PRKD2: variants seen among roughly 807,000 people sequenced by gnomAD.
The protein encoded by PRKD2 is serine/threonine-protein kinase D2.
A neutral mutation model predicts 86.0 loss-of-function variants in PRKD2; 22 were observed. The ratio of observed to expected loss-of-function variants is 0.26; its 90% CI spans 0.18 to 0.37. The LOEUF (loss-of-function observed/expected upper bound fraction) is 0.37, where lower values mean the gene tolerates loss of function less well. PRKD2 is among the 10% of genes least tolerant of loss of function. The pLI, the probability that PRKD2 is intolerant of heterozygous loss-of-function variation, is 1.00. For synonymous variants in PRKD2, 509 were observed against 510.9 expected, an observed-to-expected ratio of 1.00 and a Z score of 0.05; for missense variants, 818 against 1,199.2, an observed-to-expected ratio of 0.68 and a Z score of 4.70.
At chr19:46,697,290 A>G in intron 8 of PRKD2, 56 bp from the exon 9 acceptor site, 1 of 1,366,690 alleles carries the variant, frequency 7.3e-7, no homozygotes, top group Non-Finnish European at 1.0e-6. Context: ...CCCAGTCCCT[A>G]TCCCGTGGAG....
At position 46,674,676 on chromosome 19, in the gene PRKD2, G is replaced by C. The variant is rs1417875543; in HGVS notation, c.2484C>G (p.Ile828Met). The change falls in exon 18 of 18, where the codon ATC (isoleucine) becomes ATG (methionine). Residue 828 changes from isoleucine (I) to methionine (M), a missense_variant. Transcript: ENST00000291281. Reference sequence around the variant, plus strand: ...AGCGCGCGTCGTCACTCTCATGCGTGATGTATCGCTCTCCCATCTTCCCCT... The same window carrying C: ...AGCGCGCGTCGTCACTCTCATGCGTCATGTATCGCTCTCCCATCTTCCCCT... ...ELEGKMGERY[I>M]THESDDARWE... The C allele has an allele frequency of 1.0e-5, 16 of 1,606,180 alleles. No individual in the cohort carries two copies. Among genetic ancestry groups the C allele is most frequent in the African/African-American group, 1.3e-5 (1 of 74,850 alleles).
chr19:46,684,250 C>A (rs1485087381), intron 14 of PRKD2, among the ~76,000 whole-genome samples: 1 of 152,060 alleles, frequency 6.6e-6, no homozygotes, highest in Non-Finnish European at 1.5e-5. Flanking sequence ...CACGACCCAC[C>A]ATGCCTGACC....
intron 14 of PRKD2, among the ~76,000 whole-genome samples, chr19:46,684,500 T>C (rs2053365595): frequency 6.6e-6 from 1 of 152,156 alleles, no homozygotes; most frequent in African/African-American, 2.4e-5. Context: ...TTTTGTATTA[T>C]TAGTAAAGAT....
intron 16 of PRKD2, among the ~76,000 whole-genome samples, chr19:46,675,474 C>T (rs989742410): frequency 2.6e-5 from 4 of 152,104 alleles, no homozygotes; most frequent in Admixed American, 2.0e-4. Flanking sequence ...GACAGAGTCT[C>T]GCTCTGTCGC....
intron 8 of PRKD2, 40 bp from the exon 9 acceptor site, chr19:46,697,274 T>G (rs753991335): frequency 1.4e-6 from 2 of 1,469,316 alleles, no homozygotes; most frequent in African/African-American, 2.8e-5. Flanking sequence ...CCGCCAGACT[T>G]TCCTGCCCAG....
intron 8 of PRKD2, 68 bp from the exon 9 acceptor site, chr19:46,697,302 T>A: frequency 6.5e-6 from 8 of 1,222,394 alleles, no homozygotes; most frequent in East Asian, 2.3e-5. Context: ...CCCGTGGAGC[T>A]GCTTGGGGCT....
In PRKD2 at chr19:46,688,446, T is replaced by TA. The variant is rs57994073; in HGVS notation, c.1971+1090_1971+1091insT. ...TTTATTATTATTATTATTATTATTT[T>TA]TTTTTTTGAGACGAAGTTTCACTCT... is the stretch of plus-strand genomic sequence containing the variant. On this transcript the variant is annotated intron_variant, in intron 14 of 17. Transcript: ENST00000291281. Among the ~76,000 whole-genome samples, 719 of 150,556 alleles carry TA rather than the reference T, an allele frequency of 4.8e-3. 7 individuals carry two copies. The highest frequency in any genetic ancestry group is 0.016 in the African/African-American group (653 of 41,012).
intron 7 of PRKD2, 47 bp from the exon 8 acceptor site, chr19:46,697,897 C>G: frequency 2.0e-6 from 3 of 1,464,438 alleles, no homozygotes. Context: ...AGAAAGTGAC[C>G]ATGCTGCTTG....
rs934203444 is a variant in PRKD2 at position 46,674,370 on chromosome 19, A to G, written c.*153T>C. ...TGAGTCCGTTTTAATTGCTGGGGAA[A>G]CAGGGAGGGGCCTTGGAAATAGCTC... On this transcript the variant is annotated 3_prime_UTR_variant, in exon 18 of 18. Transcript: ENST00000291281. The G allele has an allele frequency of 1.3e-6, 1 of 766,272 alleles. No homozygotes were observed. Among genetic ancestry groups the G allele is most frequent in the African/African-American group, 1.8e-5 (1 of 56,896 alleles). The allele number at this position is 766,272 out of a possible 1,614,324, so 47.5% of individuals were successfully genotyped here. A position where few individuals can be genotyped will look rare whatever the true frequency, so the allele number is the denominator to read the frequency against.
In PRKD2 at chr19:46,693,857, C is replaced by G. The variant is rs367913831; in HGVS notation, c.1576+18G>C. 2.5e-6 allele frequency: 4 copies of G among 1,578,552 alleles called. No individual in the cohort carries two copies. The highest frequency in any genetic ancestry group is 1.1e-5 in the South Asian group (1 of 88,244). ...ATCTAGATCTATTCTCTCAAGGACC[C>G]GAGGTGGGAGGACTTACTGTGGGGC... On this transcript the variant is annotated intron_variant, in intron 10 of 17. Transcript: ENST00000291281. The surrounding 1 kb of genome is among the most constrained non-coding windows in gnomAD (Gnocchi z 4.5).
At chr19:46,698,547 T>C (rs56052541) in intron 7 of PRKD2, among the ~76,000 whole-genome samples, 8,092 of 152,310 alleles carry the variant, frequency 0.053, 282 homozygotes, top group East Asian at 0.16. Context: ...AATTGGTATT[T>C]AGTCCAGCAA....
At chr19:46,708,214 A>G (rs112497085) in intron 3 of PRKD2, among the ~76,000 whole-genome samples, 7 of 152,082 alleles carry the variant, frequency 4.6e-5, no homozygotes, top group African/African-American at 1.7e-4. Context: ...CCTAACCTCC[A>G]ATGCAACTAT....
At chr19:46,694,755 GCGGTGC>G (rs1343879035) in intron 9 of PRKD2, among the ~76,000 whole-genome samples, 8 of 152,066 alleles carry the variant, frequency 5.3e-5, no homozygotes, top group African/African-American at 1.9e-4. Flanking sequence ...CATCACATGG[GCGGTGC>G]CTGGACATAG....
rs200736783 is a variant in PRKD2 at position 46,704,353 on chromosome 19, C to T, written c.705G>A (p.Pro235=). 5.6e-6 allele frequency: 9 copies of T among 1,613,972 alleles called. No homozygotes were observed. In the African/African-American group the frequency reaches 8.0e-5, roughly 14 times the overall value. ...AGGCAGAAGAGGAGGAAGAGGATGA[C>T]GGGGGACGGCGAGGCAGGAGTTCGG... ...STTELLPRRP[P]SSSSSSSASS... is the part of the protein sequence containing the mutation. Residue 235 remains proline, a synonymous_variant, in exon 5 of 18, where the codon CCG becomes CCA. Coordinates refer to ENST00000291281, the MANE Select transcript of PRKD2 (RefSeq NM_016457.5).
chr19:46,704,786 G>T, intron 3 of PRKD2, 137 bp from the exon 4 acceptor site: 1 of 1,145,876 alleles, frequency 8.7e-7, no homozygotes, highest in Non-Finnish European at 1.2e-6. Flanking sequence ...TCCTCCAAAA[G>T]GCACTACTAT....
Position 46,704,358 on chromosome 19 carries a change from G to A in PRKD2, c.700C>T (p.Pro234Ser), listed in dbSNP as rs909950029. The A allele has an allele frequency of 6.2e-7, 1 of 1,614,136 alleles. No individual in the cohort carries two copies. Among genetic ancestry groups the A allele is most frequent in the South Asian group, 1.1e-5 (1 of 91,088 alleles). ...RSTTELLPRRPPSSSSSSSAS... is the reference protein window; with the variant it reads ...RSTTELLPRRSPSSSSSSSAS... ...GAAGAGGAGGAAGAGGATGACGGGG[G>A]ACGGCGAGGCAGGAGTTCGGTGGTG... is the stretch of plus-strand genomic sequence containing the variant. Residue 234 changes from proline to serine, a missense_variant, in exon 5 of 18, where the codon CCC becomes TCC. Around this residue, in one of 5 missense-constraint regions of PRKD2, gnomAD observed 403 missense variants for 518.6 expected, o/e 0.78. Coordinates refer to ENST00000291281, the MANE Select transcript of PRKD2 (RefSeq NM_016457.5).
At chr19:46,680,433 T>C (rs1185443440) in intron 15 of PRKD2, among the ~76,000 whole-genome samples, 2 of 151,660 alleles carry the variant, frequency 1.3e-5, no homozygotes, top group Non-Finnish European at 2.9e-5. Context: ...GGATTACAGG[T>C]TCCCGCCACC....
chr19:46,700,828 C>G lies in PRKD2; in HGVS notation c.1092G>C (p.Glu364Asp). The change falls in exon 7 of 18, where the codon GAG becomes GAC. Residue 364 changes from glutamate to aspartate, a missense_variant. Glu to Asp is a conservative substitution (Grantham distance 45, BLOSUM62 2). Coordinates refer to ENST00000291281, the MANE Select transcript of PRKD2 (RefSeq NM_016457.5). ...GGGCCTTGCCTCCCTCGCCTTCCTCCTCCTCACTGGCGTGGAGCGCATTCT... is the reference window on the plus strand; with the variant it reads ...GGGCCTTGCCTCCCTCGCCTTCCTCGTCCTCACTGGCGTGGAGCGCATTCT... ...HSENALHASEEEEGEGGKAQS... is the reference protein window; with the variant it reads ...HSENALHASEDEEGEGGKAQS... 6.2e-7 allele frequency: 1 copy of G among 1,614,218 alleles called. No homozygotes were observed. The highest frequency in any genetic ancestry group is 8.5e-7 in the Non-Finnish European group (1 of 1,180,022).
chr19:46,695,438 G>C (rs1011906045), intron 9 of PRKD2, among the ~76,000 whole-genome samples: 2 of 152,160 alleles, frequency 1.3e-5, no homozygotes, highest in Non-Finnish European at 2.9e-5. Flanking sequence ...AGCCAAGATC[G>C]CGCCACTGCA....
Sources: allele counts gnomAD v4.1 joint callset (sites outside exome capture counted in the v4.1 genomes callset), GRCh38; gene constraint gnomAD v4.1.1; regional missense constraint gnomAD v4.1.1; non-coding constraint Gnocchi (gnomAD v3.1); transcripts MANE v1.5; gene names NCBI Gene and HGNC (gene_info 2026-07-23, HGNC 2026-07-21).